SREK1: variants seen among roughly 807,000 people sequenced by gnomAD.
SREK1 encodes the protein splicing regulatory glutamine/lysine-rich protein 1.
Under a neutral mutation model 66.5 loss-of-function variants are expected in SREK1, and 13 were observed. The observed-to-expected ratio is 0.20, with a 90% CI of 0.13 to 0.31. The LOEUF is 0.31. Ranked by LOEUF, SREK1 falls within the 10% of genes least tolerant of loss-of-function variation. SREK1 has a pLI of 1.00. For missense variants in SREK1, 607 were observed against 769.6 expected (o/e 0.79, Z 2.50); for synonymous variants, 265 against 263.5 (o/e 1.01, Z -0.05).
rs761693982 is a variant in SREK1, at chr5:66,175,019, T to C, written c.1558T>C (p.Ser520Pro). The C allele has an allele frequency of 2.6e-5, 42 of 1,612,252 alleles. No individual in the cohort carries two copies. Among genetic ancestry groups the C allele is most frequent in the Non-Finnish European group, 3.4e-5 (40 of 1,179,030 alleles). Residue 520 changes from serine to proline, a missense_variant, in exon 10 of 12, where the codon TCT becomes CCT. Ser to Pro is a moderately conservative substitution (Grantham distance 74, BLOSUM62 -1). Around this residue, in one of 5 missense-constraint regions of SREK1, gnomAD observed 318 missense variants for 310.3 expected, o/e 1.02. Coordinates refer to ENST00000334121, the MANE Select transcript of SREK1 (RefSeq NM_001077199.3). ...ATCAAAAACCATAAAAAGGAAATCT[T>C]CTAGATCTCCGTCCCCCAGGAGGTA... ...RTSKTIKRKS[S>P]RSPSPRSRNK...
rs1745589663 is a variant in SREK1 at position 66,170,871 on chromosome 5, A to G, written c.1408A>G (p.Lys470Glu). 6.2e-7 allele frequency: 1 copy of G among 1,613,758 alleles called. No homozygotes were observed. Among genetic ancestry groups the G allele is most frequent in the Non-Finnish European group, 8.5e-7 (1 of 1,179,952 alleles). Residue 470 changes from lysine (K) to glutamate (E), a missense_variant, in exon 9 of 12, where the codon AAA becomes GAA. Coordinates refer to ENST00000334121, the MANE Select transcript of SREK1 (RefSeq NM_001077199.3). ...AGACAGATCCAAAGAGATAGATGAA[A>G]AAAGAAAGAAGGATAAAAAATCCAG... Reference protein sequence around the residue: ...EKDRSKEIDEKRKKDKKSRTP... With the variant: ...EKDRSKEIDEERKKDKKSRTP...
rs139114275 is a variant in SREK1 at position 66,162,946 on chromosome 5, A to G, written c.755+354A>G. ...CAACTTAACAGGTGGGTTGAACTAC[A>G]GTACTTCCAGTAACAACTGTGGTAA... On this transcript the variant is annotated intron_variant, in intron 5 of 11. Coordinates refer to ENST00000334121, the MANE Select transcript of SREK1 (RefSeq NM_001077199.3). The G allele has an allele frequency of 5.2e-3, 840 of 161,660 alleles. 8 individuals carry two copies. The highest frequency in any genetic ancestry group is 0.019 in the African/African-American group (815 of 41,920). 10.0% of individuals were successfully genotyped at this position (161,660 alleles called of 1,614,324 possible).
In SREK1 at chr5:66,157,901, T is replaced by C. The variant is rs545661209; in HGVS notation, c.296-1318T>C. ...TCAGATAATATTGTTTAGGGATTTA[T>C]CTCTGCACATGTGGTTGTTTTAAAT... is the stretch of plus-strand genomic sequence containing the variant. On this transcript the variant is annotated intron_variant, in intron 2 of 11. Coordinates refer to ENST00000334121, the MANE Select transcript of SREK1 (RefSeq NM_001077199.3). 1.3e-4 allele frequency: 26 copies of C among 194,920 alleles called. 1 individual carries two copies. In the South Asian group the frequency reaches 3.7e-3, roughly 28 times the overall value. The allele number at this position is 194,920 out of a possible 1,614,324, so 12.1% of individuals were successfully genotyped here.
chr5:66,159,468 G>T, intron 3 of SREK1, 134 bp downstream of exon 3: 1 of 700,356 alleles, frequency 1.4e-6, no homozygotes. Context: ...CGAAATCACT[G>T]CTTAAACTTT....
At chr5:66,169,292 A>G (rs200504054) in intron 7 of SREK1, 1 of 152,220 alleles carries the variant, frequency 6.6e-6, no homozygotes, top group Non-Finnish European at 1.5e-5. Flanking sequence ...GAGACTCACA[A>G]ATTTGAAAAT....
intron 2 of SREK1, chr5:66,156,205 C>A: frequency 2.3e-6 from 3 of 1,278,790 alleles, no homozygotes; most frequent in Non-Finnish European, 3.0e-6. Context: ...GACGCCCTGT[C>A]TCTGTTTTTT....
Position 66,153,493 on chromosome 5 carries a change from A to G in SREK1, c.192A>G (p.Val64=), listed in dbSNP as rs1744026500. 3.1e-6 allele frequency: 5 copies of G among 1,613,620 alleles called. No homozygotes were observed. The highest frequency in any genetic ancestry group is 1.1e-5 in the South Asian group (1 of 91,000). Residue 64 remains valine (V), a synonymous_variant, in exon 2 of 12, where the codon GTA becomes GTG. Coordinates refer to ENST00000334121, the MANE Select transcript of SREK1 (RefSeq NM_001077199.3). ...CACCTCTTGCTTTTTCCTCCAAAGTATGTTATGTTAAGTTTCGTGATCCAT... is the reference window on the plus strand; with the variant it reads ...CACCTCTTGCTTTTTCCTCCAAAGTGTGTTATGTTAAGTTTCGTGATCCAT... The part of the protein sequence containing the change: ...DNAPLAFSSK[V]CYVKFRDPSS...
Position 66,173,503 on chromosome 5 carries a change from C to A in SREK1, c.1485-1443C>A, listed in dbSNP as rs553199574. Among the ~76,000 whole-genome samples the A allele has an allele frequency of 5.9e-5, 9 of 152,178 alleles. No homozygotes were observed. The East Asian group carries it at 1.5e-3, about 26-fold the overall frequency. ...AACAGATTAGGTTAAGTAATATGATCCTGGTTGTATAGCTGGGTAAGGTGT... is the reference window on the plus strand; with the variant it reads ...AACAGATTAGGTTAAGTAATATGATACTGGTTGTATAGCTGGGTAAGGTGT... On this transcript the variant is annotated intron_variant, in intron 9 of 11. Transcript: ENST00000334121.
At chr5:66,156,618 T>C in intron 2 of SREK1, 1 of 985,460 alleles carries the variant, frequency 1.0e-6, no homozygotes, top group Non-Finnish European at 1.2e-6. Context: ...TAAAAACTGA[T>C]AGCTTCTAAT....
chr5:66,158,899 C>T (rs1308272617), intron 2 of SREK1: 2 of 1,298,214 alleles, frequency 1.5e-6, no homozygotes, highest in Non-Finnish European at 1.0e-6. Context: ...TGCTTGATAT[C>T]GTTTGGTTCA....
intron 1 of SREK1, among the ~76,000 whole-genome samples, chr5:66,147,171 A>G (rs188125393): frequency 3.3e-5 from 5 of 152,320 alleles, no homozygotes; most frequent in Admixed American, 6.5e-5. Context: ...AACGTTAAGA[A>G]TTTTTTAAGG....
chr5:66,164,510 C>T (rs1745014654), intron 6 of SREK1: 1 of 1,231,128 alleles, frequency 8.1e-7, no homozygotes, highest in Non-Finnish European at 1.1e-6. Flanking sequence ...AAATCACTGT[C>T]ACAGGAATTA....
chr5:66,146,257 C>A (rs1174771227), intron 1 of SREK1, among the ~76,000 whole-genome samples: 1 of 152,020 alleles, frequency 6.6e-6, no homozygotes, highest in Non-Finnish European at 1.5e-5. Context: ...TGTACATGAA[C>A]CTTTGTAAAT....
chr5:66,175,072 A>G (rs1330430687), intron 10 of SREK1, 31 bp downstream of exon 10: 3 of 1,515,976 alleles, frequency 2.0e-6, no homozygotes, highest in African/African-American at 1.4e-5. Flanking sequence ...AAAACTAAAC[A>G]GGAGAAAGCA....
At chr5:66,145,408 G>GT (rs2111897848) in intron 1 of SREK1, among the ~76,000 whole-genome samples, 2 of 152,024 alleles carry the variant, frequency 1.3e-5, no homozygotes, top group South Asian at 4.2e-4. Flanking sequence ...AAGATCCTCC[G>GT]TTTTTTGTTC....
At position 66,181,830 on chromosome 5, in the gene SREK1, C is replaced by T. The variant is rs1746510776; in HGVS notation, c.*2962C>T. 2 of 142,616 alleles carry T rather than the reference C, an allele frequency of 1.4e-5. No individual in the cohort carries two copies. Among genetic ancestry groups the T allele is most frequent in the Admixed American group, 7.8e-5 (1 of 12,894 alleles). 8.8% of individuals were successfully genotyped at this position (142,616 alleles called of 1,614,324 possible). ...CTGCTATGTTGATCTTTGGCAGTGC[C>T]AGAGGCTTAAATTTTGACCTGCTCA... On this transcript the variant is annotated 3_prime_UTR_variant, in exon 12 of 12. Transcript: ENST00000334121.
rs1425126402 is a variant in SREK1 at position 66,181,869 on chromosome 5, A to T, written c.*3001A>T. 2 of 123,760 alleles carry T rather than the reference A, an allele frequency of 1.6e-5. No homozygotes were observed. Among genetic ancestry groups the T allele is most frequent in the East Asian group, 5.1e-4 (2 of 3,948 alleles). 7.7% of individuals were successfully genotyped at this position (123,760 alleles called of 1,614,324 possible). ...TTGACCTGCTCAATTAAAAATAAACACTGGCGTTTATAATGAAAAGGTTTT... is the reference window on the plus strand; with the variant it reads ...TTGACCTGCTCAATTAAAAATAAACTCTGGCGTTTATAATGAAAAGGTTTT... On this transcript the variant is annotated 3_prime_UTR_variant, in exon 12 of 12. Transcript: ENST00000334121.
At chr5:66,158,877 G>C in intron 2 of SREK1, 1 of 1,293,762 alleles carries the variant, frequency 7.7e-7, no homozygotes, top group Non-Finnish European at 1.0e-6. Flanking sequence ...CACCGTCCTG[G>C]GAAAGCGTCC....
At chr5:66,150,306 A>G (rs747217130) in intron 1 of SREK1, among the ~76,000 whole-genome samples, 11 of 152,218 alleles carry the variant, frequency 7.2e-5, no homozygotes, top group Non-Finnish European at 1.3e-4. Flanking sequence ...TGATTGCGGT[A>G]TCTTAAGATG....
Sources: gnomAD v4.1 joint callset for allele counts (sites outside exome capture counted in the v4.1 genomes callset) on GRCh38, gnomAD v4.1.1 for gene constraint, gnomAD v4.1.1 regional missense constraint, MANE v1.5 for transcripts, NCBI Gene and HGNC (gene_info 2026-07-23, HGNC 2026-07-21) for gene names.